The following SETD7 variants were observed in gnomAD, a reference collection of about 807,000 sequenced individuals.
SETD7 encodes SET domain containing 7, histone lysine methyltransferase, also known as histone-lysine N-methyltransferase SETD7.
Under a neutral mutation model 41.8 loss-of-function variants are expected in SETD7, and 16 were observed. The observed-to-expected ratio is 0.38, with a 90% CI of 0.26 to 0.58. SETD7 has a LOEUF of 0.58. Ranked by LOEUF, SETD7 falls within the 20% of genes least tolerant of loss-of-function variation. The pLI is 0.64. For missense variants in SETD7, 346 were observed against 459.7 expected (o/e 0.75, Z 2.26); for synonymous variants, 163 against 169.7 (o/e 0.96, Z 0.31).
chr4:139,536,947 G>A (rs1000438582), intron 2 of SETD7, among the ~76,000 whole-genome samples: 10 of 152,166 alleles, frequency 6.6e-5, no homozygotes, highest in African/African-American at 2.4e-4. Context: ...AGGTTGCAGC[G>A]AGCCGAGATC....
At chr4:139,504,052 G>A (rs939176069), downstream of SETD7, among the ~76,000 whole-genome samples, 6 of 152,186 alleles carry the variant, frequency 3.9e-5, no homozygotes, top group East Asian at 9.6e-4. Context: ...GTGGAAAGAT[G>A]GGAAGAACTT....
intron 7 of SETD7, among the ~76,000 whole-genome samples, chr4:139,513,771 G>A (rs1333117974): frequency 5.3e-5 from 8 of 152,166 alleles, no homozygotes; most frequent in Admixed American, 5.2e-4. Flanking sequence ...ATCCCATAGG[G>A]TCTTTGTCAT....
Position 139,556,183 on chromosome 4 carries a change from C to A in SETD7, c.-46G>T. 1.9e-6 allele frequency: 3 copies of A among 1,569,552 alleles called. No individual in the cohort carries two copies. Among genetic ancestry groups the A allele is most frequent in the Non-Finnish European group, 2.6e-6 (3 of 1,158,124 alleles). ...AGCTCGGGGCTGCGCGGCTGCCTCC[C>A]GTCCCTCTGGGTGCTCCCGGCGGCT... On this transcript the variant is annotated 5_prime_UTR_variant, in exon 1 of 8. Transcript: ENST00000274031.
At chr4:139,527,581 A>G (rs1394477262) in intron 4 of SETD7, among the ~76,000 whole-genome samples, 1 of 152,066 alleles carries the variant, frequency 6.6e-6, no homozygotes, top group Non-Finnish European at 1.5e-5. Flanking sequence ...TGAAATAAAA[A>G]CAAAAATATG....
chr4:139,529,627 C>T (rs115402970), intron 3 of SETD7, among the ~76,000 whole-genome samples: 2,522 of 152,272 alleles, frequency 0.017, 25 homozygotes, highest in Middle Eastern at 0.034. Flanking sequence ...AATATGATGA[C>T]GATCTTTAGC....
downstream of SETD7, among the ~76,000 whole-genome samples, chr4:139,493,447 G>T (rs1445615437): frequency 6.6e-6 from 1 of 152,184 alleles, no homozygotes; most frequent in Non-Finnish European, 1.5e-5. Context: ...GGGAGCAGGA[G>T]CCAGTCCATT....
chr4:139,525,575 A>T (rs985732795), intron 4 of SETD7, among the ~76,000 whole-genome samples: 1 of 152,226 alleles, frequency 6.6e-6, no homozygotes, highest in African/African-American at 2.4e-5. Context: ...GGTGAGAAGC[A>T]GTGGCATAGG....
intron 5 of SETD7, among the ~76,000 whole-genome samples, chr4:139,522,205 T>C (rs954673957): frequency 6.6e-6 from 1 of 152,166 alleles, no homozygotes; most frequent in South Asian, 2.1e-4. Context: ...GCCCTGTCAG[T>C]TGAATGGAGG....
intron 1 of SETD7, among the ~76,000 whole-genome samples, chr4:139,549,611 C>G (rs904572225): frequency 6.6e-6 from 1 of 151,636 alleles, no homozygotes; most frequent in East Asian, 1.9e-4. Flanking sequence ...CTTCCTCCTT[C>G]CTTTATTTTT....
chr4:139,531,880 C>T (rs898769256), intron 3 of SETD7, among the ~76,000 whole-genome samples: 6 of 152,088 alleles, frequency 3.9e-5, no homozygotes, highest in Non-Finnish European at 5.9e-5. Flanking sequence ...CATCTGAGGT[C>T]GGGAGTTTGA....
In SETD7 at chr4:139,512,241, C is replaced by A. The variant is rs562078738; in HGVS notation, c.921-398G>T. Among the ~76,000 whole-genome samples the A allele has an allele frequency of 8.0e-4, 122 of 152,326 alleles. 2 individuals are homozygous for A. Among genetic ancestry groups the A allele is most frequent in the Middle Eastern group, 3.4e-3 (1 of 294 alleles). ...CCCGCCAGCATTTGAGCTTGTCTGG[C>A]CAGCAGCATCAGATTACGTGGCTGT... is the stretch of plus-strand genomic sequence containing the variant. On this transcript the variant is annotated intron_variant, in intron 7 of 7. Coordinates refer to ENST00000274031, the MANE Select transcript of SETD7 (RefSeq NM_030648.4).
rs569879820 is a variant in SETD7 at position 139,550,768 on chromosome 4, GA to G, written c.41-3720del. 1.6e-4 allele frequency among the ~76,000 whole-genome samples: 25 copies of G among 152,238 alleles called. No individual in the cohort carries two copies. In the South Asian group the frequency reaches 2.1e-3, roughly 13 times the overall value. On this transcript the variant is annotated intron_variant, in intron 1 of 7. Transcript: ENST00000274031. ...CACAGGGGTACTGATAAACAGAGGAGAAAAAAAGTGTATGAATCTACTATGA... is the reference window on the plus strand; with the variant it reads ...CACAGGGGTACTGATAAACAGAGGAGAAAAAAGTGTATGAATCTACTATGA...
In SETD7 at chr4:139,510,406, A is replaced by T. The variant is rs575574693; in HGVS notation, c.*1257T>A. ...CAGATCTAATTAGCTAAACTAAAAA[A>T]ACAGGGGTTTTCTCCTTATTTCTGC... On this transcript the variant is annotated 3_prime_UTR_variant, in exon 8 of 8. Coordinates refer to ENST00000274031, the MANE Select transcript of SETD7 (RefSeq NM_030648.4). 6.6e-6 allele frequency: 1 copy of T among 152,378 alleles called. No homozygotes were observed. Among genetic ancestry groups the T allele is most frequent in the South Asian group, 2.1e-4 (1 of 4,834 alleles). 9.4% of individuals were successfully genotyped at this position (152,378 alleles called of 1,614,324 possible).
rs187177988 is a variant in SETD7 at position 139,521,148 on chromosome 4, G to A, written c.645-754C>T. ...CTGGTTTATAAGAAAACAGCTGGTC[G>A]GGCGTGGTAGCTGATGCCTGTAATG... On this transcript the variant is annotated intron_variant, in intron 5 of 7. Coordinates refer to ENST00000274031, the MANE Select transcript of SETD7 (RefSeq NM_030648.4). Among the ~76,000 whole-genome samples the A allele has an allele frequency of 3.3e-3, 509 of 152,204 alleles. 5 individuals are homozygous for A. Among genetic ancestry groups the A allele is most frequent in the African/African-American group, 0.011 (470 of 41,542 alleles).
intron 7 of SETD7, among the ~76,000 whole-genome samples, chr4:139,517,084 T>C (rs191891883): frequency 1.2e-3 from 179 of 152,362 alleles, no homozygotes; most frequent in Admixed American, 2.1e-3. Context: ...CTTTTTAGTA[T>C]CAAATAATAG....
chr4:139,529,379 T>C (rs1727419144), intron 3 of SETD7, among the ~76,000 whole-genome samples, 159 bp from the exon 4 acceptor site: 1 of 152,194 alleles, frequency 6.6e-6, no homozygotes, highest in African/African-American at 2.4e-5. Context: ...AAGAAAAACA[T>C]GATGCATAGC....
intron 5 of SETD7, among the ~76,000 whole-genome samples, chr4:139,521,015 G>A (rs1727164754): frequency 6.6e-6 from 1 of 152,188 alleles, no homozygotes; most frequent in African/African-American, 2.4e-5. Flanking sequence ...GCCTATGACT[G>A]CTTTAGCTCT....
chr4:139,521,520 T>C (rs996029814), intron 5 of SETD7, among the ~76,000 whole-genome samples: 1 of 152,196 alleles, frequency 6.6e-6, no homozygotes, highest in African/African-American at 2.4e-5. Context: ...TCATCTGTAA[T>C]TTTAGTTACA....
At chr4:139,526,437 T>TC (rs1491283563) in intron 4 of SETD7, among the ~76,000 whole-genome samples, 1 of 6,228 alleles carries the variant, frequency 1.6e-4, no homozygotes, top group Non-Finnish European at 4.3e-4. Context: ...GCCCAGCTAA[T>TC]TTTTTTTTTT....
Sources: allele counts gnomAD v4.1 joint callset (sites outside exome capture counted in the v4.1 genomes callset), GRCh38; gene constraint gnomAD v4.1.1; transcripts MANE v1.5; gene names NCBI Gene and HGNC (gene_info 2026-07-23, HGNC 2026-07-21).